Variants in CABIN1 observed in about 807,000 individuals in gnomAD.
CABIN1 encodes calcineurin binding protein 1.
Under a neutral mutation model 227.7 loss-of-function variants are expected in CABIN1, and 133 were observed. That is an observed-to-expected ratio of 0.58 (90% CI 0.51 to 0.67). CABIN1 has a LOEUF of 0.67. Among genes scored for constraint, CABIN1 ranks in the 30% least tolerant of loss-of-function variants. CABIN1 has a pLI of 0.00. For synonymous variants in CABIN1, 1,086 were observed against 1,155.1 expected (o/e 0.94, Z 1.21); for missense variants, 2,408 against 2,852.5 (o/e 0.84, Z 3.55).
intron 1 of CABIN1, among the ~76,000 whole-genome samples, chr22:24,025,961 G>A (rs1021534439): frequency 3.3e-5 from 5 of 152,146 alleles, no homozygotes; most frequent in Non-Finnish European, 7.3e-5. Context: ...CAGCCCCCTA[G>A]TAGCTGGAAC....
Position 24,178,003 on chromosome 22 carries a change from G to A in CABIN1, c.6520-50G>A. The A allele has an allele frequency of 1.9e-6, 3 of 1,610,274 alleles. No individual in the cohort carries two copies. The South Asian group carries it at 3.3e-5, about 18-fold the overall frequency. On this transcript the variant is annotated intron_variant, in intron 36 of 36. Transcript: ENST00000263119. ...GGGTGAAGGTGGCAGAGGGGCTTGGGGCAGAGCCCAGCCATCCTTGACCAG... is the reference window on the plus strand; with the variant it reads ...GGGTGAAGGTGGCAGAGGGGCTTGGAGCAGAGCCCAGCCATCCTTGACCAG...
At chr22:24,071,110 C>T in intron 17 of CABIN1, 68 bp downstream of exon 17, 9 of 1,604,356 alleles carry the variant, frequency 5.6e-6, no homozygotes, top group Non-Finnish European at 6.8e-6. Context: ...CCTGCTTCTT[C>T]AGTAGTTCAT....
At chr22:24,101,693 G>A (rs1185602194) in intron 26 of CABIN1, 1 of 152,272 alleles carries the variant, frequency 6.6e-6, no homozygotes, top group Non-Finnish European at 1.5e-5. Context: ...TTTGCCCACA[G>A]GGCTGAAATC....
chr22:24,091,741 G>A lies in CABIN1; in HGVS notation c.3684G>A (p.Leu1228=). ...AGCAGCCACCCACCGTTTACTTGCT[G>A]CACTACAGGCAGGCTGGCCACTACC... ...KQQQPPTVYL[L]HYRQAGHYLH... The change falls in exon 24 of 37, where the codon CTG becomes CTA. Residue 1228 remains leucine, a synonymous_variant. Transcript: ENST00000263119. The A allele has an allele frequency of 6.2e-7, 1 of 1,614,152 alleles. No individual in the cohort carries two copies. The highest frequency in any genetic ancestry group is 8.5e-7 in the Non-Finnish European group (1 of 1,180,040).
chr22:24,155,874 G>A (rs2045756294), intron 29 of CABIN1: 1 of 431,364 alleles, frequency 2.3e-6, no homozygotes, highest in African/African-American at 2.1e-5. Flanking sequence ...CGCCACCAGC[G>A]GCCAGTCCAG....
intron 1 of CABIN1, among the ~76,000 whole-genome samples, chr22:24,017,161 C>T (rs1226425172): frequency 1.3e-5 from 2 of 151,608 alleles, no homozygotes; most frequent in South Asian, 2.1e-4. Flanking sequence ...CTCAGCCTCC[C>T]GAGTAGCTGG....
chr22:24,067,583 A>G (rs1030252484), intron 16 of CABIN1, among the ~76,000 whole-genome samples: 4 of 152,218 alleles, frequency 2.6e-5, no homozygotes, highest in Non-Finnish European at 4.4e-5. Context: ...TAAAATAAAG[A>G]CCAATGTGTT....
chr22:24,086,936 T>C (rs1381552273), intron 22 of CABIN1, among the ~76,000 whole-genome samples: 1 of 152,198 alleles, frequency 6.6e-6, no homozygotes, highest in East Asian at 1.9e-4. Flanking sequence ...TCCAGGGGTC[T>C]CTGCTGCCCA....
intron 27 of CABIN1, among the ~76,000 whole-genome samples, chr22:24,116,919 G>A (rs950979802): frequency 1.3e-5 from 2 of 152,258 alleles, no homozygotes; most frequent in Non-Finnish European, 2.9e-5. Context: ...GCAGGCACCA[G>A]CCTAGGCTAG....
At position 24,072,438 on chromosome 22, in the gene CABIN1, A is replaced by C. The variant is rs1249597754; in HGVS notation, c.2560A>C (p.Ile854Leu). Residue 854 changes from isoleucine to leucine, a missense_variant, in exon 18 of 37, where the codon ATC (isoleucine) becomes CTC (leucine). Ile to Leu is a conservative substitution (Grantham distance 5, BLOSUM62 2). Transcript: ENST00000263119. ...SVLPWIILHR[I>L]IWQEEDTFHS... Reference sequence around the variant, plus strand: ...GCTACCCTGGATCATTCTACACCGGATCATCTGGCAGGAGGAAGACACCTT... The same window carrying C: ...GCTACCCTGGATCATTCTACACCGGCTCATCTGGCAGGAGGAAGACACCTT... The C allele has an allele frequency of 6.2e-7, 1 of 1,614,124 alleles. No individual in the cohort carries two copies.
intron 31 of CABIN1, among the ~76,000 whole-genome samples, chr22:24,166,180 C>T (rs1355923798): frequency 1.3e-5 from 2 of 152,222 alleles, no homozygotes; most frequent in Non-Finnish European, 2.9e-5. Flanking sequence ...TCCTTGCCAG[C>T]CCCCAACCCC....
intron 1 of CABIN1, among the ~76,000 whole-genome samples, chr22:24,016,943 C>G (rs1443290427): frequency 6.6e-6 from 1 of 150,518 alleles, no homozygotes; most frequent in Non-Finnish European, 1.5e-5. Flanking sequence ...TTTATCTGTT[C>G]GTATTTTTTC....
intron 19 of CABIN1, among the ~76,000 whole-genome samples, chr22:24,079,919 TG>T: frequency 6.6e-6 from 1 of 152,200 alleles, no homozygotes; most frequent in Non-Finnish European, 1.5e-5. Flanking sequence ...ACTATGTGTA[TG>T]GTATTTGTTT....
Position 24,178,391 on chromosome 22 carries a change from G to T in CABIN1, c.*195G>T. On this transcript the variant is annotated 3_prime_UTR_variant, in exon 37 of 37. Transcript: ENST00000263119. ...GCTGTCCACACCACATGGGAGCCCA[G>T]AGGAGGAGGGGCCCGCCTTAGCCAT... 1.5e-6 allele frequency: 1 copy of T among 654,156 alleles called. No individual in the cohort carries two copies. Among genetic ancestry groups the T allele is most frequent in the African/African-American group, 1.8e-5 (1 of 54,930 alleles). 40.5% of individuals were successfully genotyped at this position (654,156 alleles called of 1,614,324 possible).
chr22:24,041,017 T>C (rs2037325818), intron 4 of CABIN1, 122 bp from the exon 5 acceptor site: 6 of 1,164,994 alleles, frequency 5.2e-6, no homozygotes, highest in African/African-American at 3.0e-5. Context: ...TTTCCAGTGG[T>C]GGACAACACT....
In CABIN1 at chr22:24,119,348, C is replaced by T. The variant is rs748888505; in HGVS notation, c.4301-19C>T. ...GCCTAAAACCAGGGTGACTTTCTTT[C>T]CCTTCTTCTCAACTGTAGGAAAAAA... is the stretch of plus-strand genomic sequence containing the variant. On this transcript the variant is annotated intron_variant, in intron 27 of 36. Coordinates refer to ENST00000263119, the MANE Select transcript of CABIN1 (RefSeq NM_012295.4). 6.2e-7 allele frequency: 1 copy of T among 1,606,194 alleles called. No homozygotes were observed. The highest frequency in any genetic ancestry group is 8.5e-7 in the Non-Finnish European group (1 of 1,177,632).
At chr22:24,152,916 C>T (rs2045573373) in intron 29 of CABIN1, among the ~76,000 whole-genome samples, 1 of 148,198 alleles carries the variant, frequency 6.7e-6, no homozygotes, top group African/African-American at 2.5e-5. Context: ...CACCACTGCA[C>T]TCCAGCTTGG....
Position 24,050,918 on chromosome 22 carries a change from G to C in CABIN1, c.750G>C (p.Leu250=). The change falls in exon 8 of 37, where the codon CTG becomes CTC. Residue 250 remains leucine, a synonymous_variant. Transcript: ENST00000263119. The part of the protein sequence containing the change: ...ALGLRKKRQA[L]IVREKEPDLK... ...GGCTGCGAAAAAAGAGGCAAGCGCT[G>C]ATTGTGCGGGAGAAGGAGCCGGACC... 6 of 1,614,228 alleles carry C rather than the reference G, an allele frequency of 3.7e-6. No homozygotes were observed. The highest frequency in any genetic ancestry group is 5.1e-6 in the Non-Finnish European group (6 of 1,180,042).
rs752174462 is a variant in CABIN1, at chr22:24,059,991, G to T, written c.1467G>T (p.Met489Ile). The change falls in exon 12 of 37, where the codon ATG becomes ATT. Residue 489 changes from methionine to isoleucine, a missense_variant. Transcript: ENST00000263119. ...LTNGGILELMMRYLKAMGHKF... is the reference protein window; with the variant it reads ...LTNGGILELMIRYLKAMGHKF... ...ACGGGGGCATCCTGGAGCTGATGAT[G>T]CGCTACCTGAAAGCCATGGGCCACA... The T allele has an allele frequency of 1.2e-6, 2 of 1,614,232 alleles. No individual in the cohort carries two copies. The highest frequency in any genetic ancestry group is 2.2e-5 in the South Asian group (2 of 91,084).
Sources: allele counts gnomAD v4.1 joint callset (sites outside exome capture counted in the v4.1 genomes callset), GRCh38; gene constraint gnomAD v4.1.1; transcripts MANE v1.5; gene names NCBI Gene and HGNC (gene_info 2026-07-23, HGNC 2026-07-21).